The following SYNE1 variants were observed in gnomAD, a reference collection of about 807,000 sequenced individuals.
The protein encoded by SYNE1 is nesprin-1.
In SYNE1, 616 loss-of-function variants were observed where a neutral mutation model predicts 1,111.0. The ratio of observed to expected loss-of-function variants is 0.55; its 90% CI spans 0.52 to 0.59. SYNE1 has a LOEUF of 0.59. Among genes scored for constraint, SYNE1 ranks in the 20% least tolerant of loss-of-function variants. The pLI, the probability that SYNE1 is intolerant of heterozygous loss-of-function variation, is 0.00. For missense variants in SYNE1, 10,006 were observed against 10,417.0 expected, an observed-to-expected ratio of 0.96 and a Z score of 1.72; for synonymous variants, 3,855 against 3,825.8, an observed-to-expected ratio of 1.01 and a Z score of -0.28.
intron 97 of SYNE1, among the ~76,000 whole-genome samples, chr6:152,280,735 C>CT (rs1291636975): frequency 6.6e-6 from 1 of 152,046 alleles, no homozygotes; most frequent in East Asian, 1.9e-4. Flanking sequence ...AGGCAATGGG[C>CT]TAATAGATGT....
At chr6:152,590,993 C>T (rs954772501) in intron 3 of SYNE1, among the ~76,000 whole-genome samples, 5 of 152,070 alleles carry the variant, frequency 3.3e-5, no homozygotes, top group African/African-American at 4.8e-5. Flanking sequence ...GCCATTTTTA[C>T]GATGTTGATT....
chr6:152,367,034 C>G, intron 62 of SYNE1, 184 bp downstream of exon 62: 3 of 755,426 alleles, frequency 4.0e-6, no homozygotes, highest in Non-Finnish European at 7.1e-6. Context: ...GGAAAACATC[C>G]GGGGTCAGAT....
At chr6:152,140,366 T>C (rs2058263022) in intron 139 of SYNE1, among the ~76,000 whole-genome samples, 1 of 152,148 alleles carries the variant, frequency 6.6e-6, no homozygotes, top group Non-Finnish European at 1.5e-5. Context: ...CTAATAATAA[T>C]GAAGCAAAAA....
intron 97 of SYNE1, among the ~76,000 whole-genome samples, chr6:152,279,277 C>A (rs56767650): frequency 0.2 from 27,387 of 138,598 alleles, 3,051 homozygotes; most frequent in East Asian, 0.48. Context: ...AAAAAAAAAA[C>A]AAAAAAAAGT....
At chr6:152,246,872 A>G (rs1348454318) in intron 105 of SYNE1, among the ~76,000 whole-genome samples, 1 of 152,234 alleles carries the variant, frequency 6.6e-6, no homozygotes, top group Non-Finnish European at 1.5e-5. Flanking sequence ...TTGAAACTCC[A>G]AAAGAATTCA....
At chr6:152,595,331 C>T (rs1445546188) in intron 3 of SYNE1, among the ~76,000 whole-genome samples, 1 of 152,230 alleles carries the variant, frequency 6.6e-6, no homozygotes, top group Non-Finnish European at 1.5e-5. Flanking sequence ...GGCACAACTG[C>T]TTGATTTCAC....
At chr6:152,172,888 G>T (rs890203697) in intron 130 of SYNE1, among the ~76,000 whole-genome samples, 1 of 152,138 alleles carries the variant, frequency 6.6e-6, no homozygotes, top group South Asian at 2.1e-4. Flanking sequence ...GCCTCATGGG[G>T]TTATTGACCA....
intron 130 of SYNE1, chr6:152,167,681 T>C: frequency 2.1e-6 from 1 of 475,578 alleles, no homozygotes; most frequent in Non-Finnish European, 4.3e-6. Context: ...TTTTATTTCA[T>C]GAAAGGAAAG....
intron 2 of SYNE1, among the ~76,000 whole-genome samples, chr6:152,636,349 C>T (rs1309564133): frequency 6.6e-6 from 1 of 152,074 alleles, no homozygotes; most frequent in Non-Finnish European, 1.5e-5. Context: ...ACCATTGGAG[C>T]CCAGGAGATG....
rs1372175734 is a variant in SYNE1, at chr6:152,455,419, G to A, written c.2892+7C>T. On this transcript the variant is annotated splice_region_variant and intron_variant, in intron 24 of 145. Coordinates refer to ENST00000367255, the MANE Select transcript of SYNE1 (RefSeq NM_182961.4). ...CAGGTCAAGTGTCCCCTAAAGGGTG[G>A]ACTCACAGTGTGTCTCCGCAGGAGC... The A allele has an allele frequency of 4.3e-6, 7 of 1,613,002 alleles. No homozygotes were observed. Among genetic ancestry groups the A allele is most frequent in the Non-Finnish European group, 5.9e-6 (7 of 1,179,464 alleles).
At chr6:152,420,230 T>A (rs919785394) in intron 39 of SYNE1, among the ~76,000 whole-genome samples, 1 of 152,240 alleles carries the variant, frequency 6.6e-6, no homozygotes, top group Non-Finnish European at 1.5e-5. Flanking sequence ...ATCCAAAATT[T>A]GCTTTTTCTT....
At chr6:152,535,336 A>AT (rs1277452718) in intron 4 of SYNE1, among the ~76,000 whole-genome samples, 1 of 152,012 alleles carries the variant, frequency 6.6e-6, no homozygotes, top group East Asian at 1.9e-4. Flanking sequence ...TGTTTTATAA[A>AT]TTTTTTTTCT....
rs1204049486 is a variant in SYNE1 at position 152,258,811 on chromosome 6, C to T, written c.18973-2046G>A. Among the ~76,000 whole-genome samples, 3 of 150,218 alleles carry T rather than the reference C, an allele frequency of 2.0e-5. No individual in the cohort carries two copies. In the Admixed American group the frequency reaches 2.0e-4, roughly 10 times the overall value. ...CCAGGCTGGAGTGTAGTGGTGCGAT[C>T]TTGGCACACTGCAACCTCTGCCTCC... On this transcript the variant is annotated intron_variant, in intron 101 of 145. Transcript: ENST00000367255.
At position 152,416,502 on chromosome 6, in the gene SYNE1, A is replaced by G. The variant is rs2098157630; in HGVS notation, c.5935T>C (p.Leu1979=). The G allele has an allele frequency of 2.5e-6, 4 of 1,613,966 alleles. No individual in the cohort carries two copies. The highest frequency in any genetic ancestry group is 2.5e-6 in the Non-Finnish European group (3 of 1,180,008). ...TTCTGGTCTTGGAATGCTTTTTTCAACACTGCCAGAGCATCTGCCTCACTC... is the reference window on the plus strand; with the variant it reads ...TTCTGGTCTTGGAATGCTTTTTTCAGCACTGCCAGAGCATCTGCCTCACTC... ...KQSEADALAV[L]KKAFQDQKEE... The change falls in exon 41 of 146, where the codon TTG becomes CTG. Residue 1979 remains leucine, a synonymous_variant. Transcript: ENST00000367255.
intron 125 of SYNE1, among the ~76,000 whole-genome samples, chr6:152,207,732 C>A (rs1431376272): frequency 2.0e-5 from 3 of 152,160 alleles, no homozygotes; most frequent in Non-Finnish European, 4.4e-5. Context: ...TAGTGAGCTG[C>A]GGCAGGCCAT....
chr6:152,198,627 G>C (rs983878368), intron 127 of SYNE1, among the ~76,000 whole-genome samples: 5 of 152,110 alleles, frequency 3.3e-5, no homozygotes, highest in Non-Finnish European at 5.9e-5. Context: ...TGAACACTCA[G>C]AGGCCACTGT....
In SYNE1 at chr6:152,277,636, C is replaced by T. The variant is rs1046278054; in HGVS notation, c.18573+453G>A. On this transcript the variant is annotated intron_variant, in intron 98 of 145. Transcript: ENST00000367255. ...TCCTCTATTGAGTTATTTCCATCAA[C>T]GTGTAAACTTATTATTTTTCTGATC... 4 of 222,676 alleles carry T rather than the reference C, an allele frequency of 1.8e-5. No individual in the cohort carries two copies. The South Asian group carries it at 2.0e-4, about 11-fold the overall frequency. The allele number at this position is 222,676 out of a possible 1,614,324, so 13.8% of individuals were successfully genotyped here. A position where few individuals can be genotyped will look rare whatever the true frequency, so the allele number is the denominator to read the frequency against.
rs1212146648 is a variant in SYNE1, at chr6:152,149,769, G to A, written c.24451-101C>T. The A allele has an allele frequency of 3.0e-6, 3 of 1,002,916 alleles. No individual in the cohort carries two copies. In the African/African-American group the frequency reaches 4.8e-5, roughly 16 times the overall value. 62.1% of individuals were successfully genotyped at this position (1,002,916 alleles called of 1,614,324 possible). A position where few individuals can be genotyped will look rare whatever the true frequency, so the allele number is the denominator to read the frequency against. On this transcript the variant is annotated intron_variant, in intron 135 of 145. Coordinates refer to ENST00000367255, the MANE Select transcript of SYNE1 (RefSeq NM_182961.4). The stretch of plus-strand genomic sequence containing the variant: ...TTTCTCATTACATTAAAAAAGACAT[G>A]TAGGGGCTATTTAATTGACCATATA...
Position 152,334,201 on chromosome 6 carries a change from T to G in SYNE1, c.12601A>C (p.Lys4201Gln). ...TIIEKVNKLT[K>Q]KEESPEHKEI... ...TTGTGTTCAGGCGATTCCTCCTTCT[T>G]TGTTAACTTATTCACCTTTTCTATT... is the stretch of plus-strand genomic sequence containing the variant. Residue 4201 changes from lysine to glutamine, a missense_variant, in exon 77 of 146, where the codon AAG (lysine) becomes CAG (glutamine). By Grantham distance (53) the Lys-to-Gln change is moderately conservative (BLOSUM62 1). Coordinates refer to ENST00000367255, the MANE Select transcript of SYNE1 (RefSeq NM_182961.4). 6.2e-7 allele frequency: 1 copy of G among 1,614,172 alleles called. No individual in the cohort carries two copies. Among genetic ancestry groups the G allele is most frequent in the South Asian group, 1.1e-5 (1 of 91,088 alleles).
Sources: allele counts gnomAD v4.1 joint callset (sites outside exome capture counted in the v4.1 genomes callset), GRCh38; gene constraint gnomAD v4.1.1; transcripts MANE v1.5; gene names NCBI Gene and HGNC (gene_info 2026-07-23, HGNC 2026-07-21).